Variants in LPAR1 observed in about 807,000 individuals in gnomAD.
LPAR1 encodes lysophosphatidic acid receptor 1, also known as LPA receptor 1.
Under a neutral mutation model 23.8 loss-of-function variants are expected in LPAR1, and 5 were observed. The observed-to-expected ratio is 0.21, with a 90% CI of 0.11 to 0.44. LPAR1 has a LOEUF of 0.44. Ranked by LOEUF, LPAR1 falls within the 20% of genes least tolerant of loss-of-function variation. LPAR1 has a pLI of 0.99. For synonymous variants in LPAR1, 160 were observed against 164.7 expected (o/e 0.97, Z 0.22); for missense variants, 311 against 482.8 (o/e 0.64, Z 3.33).
chr9:110,945,410 G>A (rs1219609118), intron 4 of LPAR1: 3 of 152,092 alleles, frequency 2.0e-5, no homozygotes, highest in Non-Finnish European at 4.4e-5. Context: ...CACTGAAGCA[G>A]ATGTATGGGA....
At chr9:111,038,690 C>T (rs1297624633), upstream of LPAR1, 3 of 453,616 alleles carry the variant, frequency 6.6e-6, no homozygotes, top group African/African-American at 2.0e-5. The surrounding 1 kb of genome is among the most constrained non-coding windows in gnomAD (Gnocchi z 4.4). Context: ...CTCTGCGCCC[C>T]CTCCTCCATT....
chr9:110,987,232 T>C (rs959677187), intron 2 of LPAR1, among the ~76,000 whole-genome samples: 1 of 152,032 alleles, frequency 6.6e-6, no homozygotes, highest in East Asian at 1.9e-4. Flanking sequence ...AATACAGTAC[T>C]TGGCAACCTT....
intron 5 of LPAR1, among the ~76,000 whole-genome samples, chr9:110,884,308 C>CTCACACTT (rs2081748149): frequency 6.6e-6 from 1 of 152,190 alleles, no homozygotes; most frequent in Non-Finnish European, 1.5e-5. Flanking sequence ...TTACTTACCG[C>CTCACACTT]TACTTCTGGG....
At chr9:111,005,284 G>A (rs531321418) in intron 2 of LPAR1, among the ~76,000 whole-genome samples, 1 of 151,666 alleles carries the variant, frequency 6.6e-6, no homozygotes, top group Admixed American at 6.6e-5. Context: ...AGAATTGGGA[G>A]GGAGGTGGGC....
At chr9:110,986,101 A>C (rs1490919123) in intron 2 of LPAR1, among the ~76,000 whole-genome samples, 1 of 152,130 alleles carries the variant, frequency 6.6e-6, no homozygotes, top group Non-Finnish European at 1.5e-5. Context: ...TTCTTTCCAG[A>C]GTCATCTAAA....
Position 111,034,706 on chromosome 9 carries a change from C to T in LPAR1, c.-182+1416G>A, listed in dbSNP as rs2097859863. On this transcript the variant is annotated intron_variant, in intron 2 of 5. Transcript: ENST00000683809. ...AAAAGCCCAGTCCTCCATCCATCAT[C>T]GCACCCCTCACTCTGCCCCAATATG... Among the ~76,000 whole-genome samples the T allele has an allele frequency of 3.9e-5, 6 of 152,132 alleles. No individual in the cohort carries two copies. In the South Asian group the frequency reaches 1.0e-3, roughly 26 times the overall value.
intron 4 of LPAR1, among the ~76,000 whole-genome samples, chr9:110,954,727 A>G (rs193163461): frequency 6.6e-6 from 1 of 152,260 alleles, no homozygotes; most frequent in Admixed American, 6.5e-5. Context: ...CAAACAAAAA[A>G]AACTGCCAGT....
Position 111,038,415 on chromosome 9 carries a change from G to A in LPAR1, c.-510C>T, listed in dbSNP as rs1464467406. The stretch of plus-strand genomic sequence containing the variant: ...CCAGATCCGGCCCGCGCTCCGCAGC[G>A]GGGCTGGAGACGGAGTCGCCACTCA... On this transcript the variant is annotated 5_prime_UTR_variant, in exon 1 of 6. Coordinates refer to ENST00000683809, the MANE Select transcript of LPAR1 (RefSeq NM_001351411.2). The surrounding 1 kb of genome is among the most constrained non-coding windows in gnomAD (Gnocchi z 4.4). 2 of 286,418 alleles carry A rather than the reference G, an allele frequency of 7.0e-6. No homozygotes were observed. Among genetic ancestry groups the A allele is most frequent in the Admixed American group, 5.3e-5 (1 of 18,934 alleles). 17.7% of individuals were successfully genotyped at this position (286,418 alleles called of 1,614,324 possible).
chr9:110,907,093 G>T (rs966789341), intron 5 of LPAR1, among the ~76,000 whole-genome samples: 1 of 151,988 alleles, frequency 6.6e-6, no homozygotes, highest in Admixed American at 6.6e-5. Flanking sequence ...TACATTGATC[G>T]TATTATCACT....
intron 5 of LPAR1, among the ~76,000 whole-genome samples, chr9:110,934,837 C>T (rs2094593490): frequency 6.6e-6 from 1 of 151,452 alleles, no homozygotes; most frequent in Non-Finnish European, 1.5e-5. Context: ...CACACACACA[C>T]ACACACAGAG....
At chr9:110,877,070 C>A (rs2132278022) in intron 5 of LPAR1, among the ~76,000 whole-genome samples, 1 of 152,322 alleles carries the variant, frequency 6.6e-6, no homozygotes, top group Middle Eastern at 3.4e-3. Flanking sequence ...AGGGCATTTG[C>A]ATCTTCAGAT....
intron 2 of LPAR1, among the ~76,000 whole-genome samples, chr9:110,992,533 C>A (rs1234119826): frequency 6.6e-6 from 1 of 152,162 alleles, no homozygotes; most frequent in African/African-American, 2.4e-5. Flanking sequence ...AAGACTTGAG[C>A]ACAAATGCTT....
chr9:110,994,432 G>A (rs2096955756), intron 2 of LPAR1, among the ~76,000 whole-genome samples: 1 of 152,190 alleles, frequency 6.6e-6, no homozygotes. Flanking sequence ...CTGATAATTA[G>A]ATGATAGTAA....
intron 4 of LPAR1, among the ~76,000 whole-genome samples, chr9:110,967,438 T>A (rs1173453342): frequency 6.6e-6 from 1 of 152,232 alleles, no homozygotes; most frequent in African/African-American, 2.4e-5. Context: ...ATATGTAGTA[T>A]TAGGCAGCCT....
At chr9:110,974,103 G>A (rs1468518607) in intron 2 of LPAR1, among the ~76,000 whole-genome samples, 1 of 151,824 alleles carries the variant, frequency 6.6e-6, no homozygotes, top group Admixed American at 6.6e-5. Context: ...AGGTTGCAGT[G>A]AGCCGAGATC....
chr9:110,938,377 GAAACCAATCC>G (rs2094865733), intron 5 of LPAR1, among the ~76,000 whole-genome samples: 1 of 152,114 alleles, frequency 6.6e-6, no homozygotes, highest in Admixed American at 6.5e-5. Context: ...ATGTAGCAAA[GAAACCAATCC>G]AAACCAGCAA....
intron 5 of LPAR1, among the ~76,000 whole-genome samples, chr9:110,929,475 T>C (rs917123240): frequency 6.6e-6 from 1 of 152,208 alleles, no homozygotes; most frequent in Non-Finnish European, 1.5e-5. Context: ...ACATTACCTG[T>C]TCATAAGCAA....
chr9:110,927,767 G>T (rs905416063), intron 5 of LPAR1, among the ~76,000 whole-genome samples: 1 of 152,060 alleles, frequency 6.6e-6, no homozygotes, highest in Non-Finnish European at 1.5e-5. Context: ...CTGCAATTTG[G>T]TATGTTAAAA....
At chr9:110,944,548 A>G (rs1021789004) in intron 4 of LPAR1, among the ~76,000 whole-genome samples, 13 of 152,216 alleles carry the variant, frequency 8.5e-5, no homozygotes, top group African/African-American at 2.9e-4. Context: ...TATCAAGCGT[A>G]TATTATTTCC....
Sources: gnomAD v4.1 joint callset for allele counts (sites outside exome capture counted in the v4.1 genomes callset) on GRCh38, gnomAD v4.1.1 for gene constraint, Gnocchi (gnomAD v3.1) non-coding constraint, MANE v1.5 for transcripts, NCBI Gene and HGNC (gene_info 2026-07-23, HGNC 2026-07-21) for gene names.